Variants in NLGN1 observed in about 807,000 individuals in gnomAD.
The protein encoded by NLGN1 is neuroligin 1, also known as neuroligin-1.
NLGN1 carries 12 observed loss-of-function variants against 65.5 expected under a neutral mutation model. The ratio of observed to expected loss-of-function variants is 0.18; its 90% CI spans 0.12 to 0.30. The LOEUF (loss-of-function observed/expected upper bound fraction) is 0.30, where lower values mean the gene tolerates loss of function less well. NLGN1 is among the 10% of genes least tolerant of loss of function. NLGN1 has a pLI of 1.00. For missense variants in NLGN1, 750 were observed against 1,007.1 expected (o/e 0.74, Z 3.46); for synonymous variants, 350 against 359.5 (o/e 0.97, Z 0.30).
chr3:173,918,657 CATAT>C (rs1178102221), intron 4 of NLGN1, among the ~76,000 whole-genome samples: 1 of 93,072 alleles, frequency 1.1e-5, no homozygotes, highest in African/African-American at 4.2e-5. Context: ...AAAAGAAATA[CATAT>C]GTGTGTGTGT....
chr3:174,060,347 G>A (rs1340397042), intron 4 of NLGN1, among the ~76,000 whole-genome samples: 1 of 151,964 alleles, frequency 6.6e-6, no homozygotes, highest in East Asian at 1.9e-4. Flanking sequence ...GTGAAGAATA[G>A]GGAAAGAGGA....
intron 4 of NLGN1, among the ~76,000 whole-genome samples, chr3:174,249,672 A>G (rs1744432236): frequency 6.6e-6 from 1 of 152,222 alleles, no homozygotes; most frequent in African/African-American, 2.4e-5. Context: ...GTAAAAAGTG[A>G]GTCCTATTCT....
At chr3:173,623,018 A>G (rs1340217633) in intron 3 of NLGN1, among the ~76,000 whole-genome samples, 2 of 152,092 alleles carry the variant, frequency 1.3e-5, no homozygotes, top group East Asian at 3.9e-4. Flanking sequence ...CCCTCAAGGG[A>G]GTGTTGAGTC....
intron 3 of NLGN1, among the ~76,000 whole-genome samples, chr3:173,649,030 G>A (rs1161514570): frequency 2.0e-5 from 3 of 152,098 alleles, no homozygotes; most frequent in Non-Finnish European, 4.4e-5. Context: ...CAGATGAACA[G>A]ATAAATTGTG....
intron 4 of NLGN1, among the ~76,000 whole-genome samples, chr3:173,976,250 T>G (rs1444579901): frequency 2.0e-5 from 3 of 152,122 alleles, no homozygotes; most frequent in Non-Finnish European, 4.4e-5. Flanking sequence ...CAAGGTATTC[T>G]TAAGTATTGG....
chr3:173,631,450 ATGTGAATCTG>A (rs1210010682), intron 3 of NLGN1, among the ~76,000 whole-genome samples: 2 of 152,088 alleles, frequency 1.3e-5, no homozygotes, highest in African/African-American at 4.8e-5. Flanking sequence ...ATCTGTGTGT[ATGTGAATCTG>A]TGTATGTTGA....
intron 3 of NLGN1, among the ~76,000 whole-genome samples, chr3:173,783,568 C>G (rs1002523994): frequency 1.1e-4 from 17 of 152,142 alleles, no homozygotes; most frequent in Admixed American, 6.5e-4. Flanking sequence ...GAAACATGTT[C>G]TAGTATATTT....
chr3:173,528,206 A>G (rs1292366883), intron 2 of NLGN1, among the ~76,000 whole-genome samples: 1 of 152,066 alleles, frequency 6.6e-6, no homozygotes, highest in Non-Finnish European at 1.5e-5. Flanking sequence ...TTTCCCTTTC[A>G]TTTATGAAGC....
chr3:173,706,538 A>G (rs1289378864), intron 3 of NLGN1, among the ~76,000 whole-genome samples: 1 of 152,202 alleles, frequency 6.6e-6, no homozygotes, highest in Admixed American at 6.5e-5. Context: ...CACATCCCAC[A>G]GTAGCATTGT....
At chr3:173,696,648 T>G (rs1766263205) in intron 3 of NLGN1, among the ~76,000 whole-genome samples, 1 of 152,200 alleles carries the variant, frequency 6.6e-6, no homozygotes, top group African/African-American at 2.4e-5. Context: ...TTCATACTTC[T>G]TTTCTCTCCT....
chr3:173,757,643 C>T (rs985879368), intron 3 of NLGN1, among the ~76,000 whole-genome samples: 1 of 151,784 alleles, frequency 6.6e-6, no homozygotes, highest in Non-Finnish European at 1.5e-5. Context: ...GTGCAGATAT[C>T]GTTTATGTCC....
At position 174,217,766 on chromosome 3, in the gene NLGN1, G is replaced by C. The variant is rs146441188; in HGVS notation, c.647-57549G>C. On this transcript the variant is annotated intron_variant, in intron 4 of 6. Transcript: ENST00000457714. ...ATGAGAGAGAAAGAGTAGGGTGAAG[G>C]CACCTAGAATGAAGTCGATATAGCA... is the stretch of plus-strand genomic sequence containing the variant. 3.0e-4 allele frequency among the ~76,000 whole-genome samples: 45 copies of C among 151,932 alleles called. No homozygotes were observed. In the East Asian group the frequency reaches 7.0e-3, roughly 24 times the overall value.
intron 2 of NLGN1, among the ~76,000 whole-genome samples, chr3:173,532,110 A>G (rs903549689): frequency 4.7e-4 from 71 of 152,114 alleles, no homozygotes; most frequent in Admixed American, 4.6e-3. Context: ...AATGTCACTA[A>G]TAATCATTTC....
At chr3:173,542,856 A>T (rs1388477597) in intron 2 of NLGN1, among the ~76,000 whole-genome samples, 1 of 152,026 alleles carries the variant, frequency 6.6e-6, no homozygotes, top group Non-Finnish European at 1.5e-5. Flanking sequence ...TTGTCTTTTC[A>T]ATTCTCAGTA....
rs1275265518 is a variant in NLGN1, at chr3:173,953,535, ATACT to A, written c.646+145714_646+145717del. ...GAGGCCATTTTATTTATTTATTTAT[ATACT>A]TACTTACTTATTTATTTACTTATTT... On this transcript the variant is annotated intron_variant, in intron 4 of 6. Transcript: ENST00000457714. 2.7e-4 allele frequency among the ~76,000 whole-genome samples: 41 copies of A among 150,942 alleles called. No homozygotes were observed. In the South Asian group the frequency reaches 7.1e-3, roughly 26 times the overall value.
Position 174,251,551 on chromosome 3 carries a change from T to G in NLGN1, c.647-23764T>G, listed in dbSNP as rs111376290. Among the ~76,000 whole-genome samples, 1,003 of 152,302 alleles carry G rather than the reference T, an allele frequency of 6.6e-3. 10 individuals carry two copies. The highest frequency in any genetic ancestry group is 0.021 in the African/African-American group (893 of 41,570). ...GCAATATACCAGCAGGCCTTTCCTC[T>G]TAGATAAGCTTGGAAAAAAAGTTAG... On this transcript the variant is annotated intron_variant, in intron 4 of 6. Transcript: ENST00000457714.
intron 4 of NLGN1, among the ~76,000 whole-genome samples, chr3:174,189,013 C>A (rs187052476): frequency 7.8e-4 from 118 of 152,090 alleles, no homozygotes; most frequent in African/African-American, 2.6e-3. Flanking sequence ...ATTAAAGTCA[C>A]ACCAAATATA....
intron 4 of NLGN1, among the ~76,000 whole-genome samples, chr3:174,107,246 T>C (rs1448622304): frequency 2.0e-5 from 3 of 152,094 alleles, no homozygotes; most frequent in Non-Finnish European, 4.4e-5. Flanking sequence ...TAAGGATCTC[T>C]CATGTTGCCC....
intron 2 of NLGN1, among the ~76,000 whole-genome samples, chr3:173,538,460 T>C (rs2149211160): frequency 6.6e-6 from 1 of 152,324 alleles, no homozygotes; most frequent in East Asian, 1.9e-4. Flanking sequence ...TGTAAGTCAT[T>C]GGATGATAGC....
Sources: gnomAD v4.1 joint callset for allele counts (sites outside exome capture counted in the v4.1 genomes callset) on GRCh38, gnomAD v4.1.1 for gene constraint, MANE v1.5 for transcripts, NCBI Gene and HGNC (gene_info 2026-07-23, HGNC 2026-07-21) for gene names.